KLF12: variants seen among roughly 807,000 people sequenced by gnomAD.
KLF12 encodes Krueppel-like factor 12.
A neutral mutation model predicts 37.8 loss-of-function variants in KLF12; 9 were observed. The ratio of observed to expected loss-of-function variants is 0.24; its 90% CI spans 0.14 to 0.42. The LOEUF is 0.42. Among genes scored for constraint, KLF12 ranks in the 10% least tolerant of loss-of-function variants. KLF12 has a pLI of 1.00. For synonymous variants in KLF12, 208 were observed against 202.1 expected, an observed-to-expected ratio of 1.03 and a Z score of -0.25; for missense variants, 411 against 516.0, an observed-to-expected ratio of 0.80 and a Z score of 1.97.
chr13:74,217,777 A>G, the KLF12 span, among the ~76,000 whole-genome samples: 1 of 152,244 alleles, frequency 6.6e-6, no homozygotes, highest in Admixed American at 6.5e-5. Flanking sequence ...ATGTTGCAAA[A>G]GAAACATGGA....
the KLF12 span, among the ~76,000 whole-genome samples, chr13:74,271,863 A>G: frequency 6.6e-6 from 1 of 152,178 alleles, no homozygotes; most frequent in African/African-American, 2.4e-5. Context: ...CCCCATGGGT[A>G]TGGTGACCAG....
the KLF12 span, among the ~76,000 whole-genome samples, chr13:74,142,981 A>T: frequency 6.6e-6 from 1 of 151,182 alleles, no homozygotes; most frequent in South Asian, 2.1e-4. Context: ...CTTAATAAAG[A>T]CCTTCCTTCC....
the KLF12 span, among the ~76,000 whole-genome samples, chr13:74,178,600 A>G: frequency 6.6e-6 from 1 of 152,218 alleles, no homozygotes; most frequent in South Asian, 2.1e-4. Flanking sequence ...TTAAGTTGAC[A>G]TTAAATTTCA....
intron 3 of KLF12, among the ~76,000 whole-genome samples, chr13:73,920,034 G>A (rs1200488399): frequency 6.6e-6 from 1 of 152,020 alleles, no homozygotes; most frequent in Non-Finnish European, 1.5e-5. Context: ...CTCCGTTCGG[G>A]TGCTCTACTG....
chr13:74,089,002 C>T (rs746379219), intron 1 of KLF12, among the ~76,000 whole-genome samples: 1 of 152,130 alleles, frequency 6.6e-6, no homozygotes, highest in Non-Finnish European at 1.5e-5. Context: ...AAATTAGTAC[C>T]TCTAGACAAT....
chr13:74,261,423 G>T, the KLF12 span, among the ~76,000 whole-genome samples: 1 of 152,038 alleles, frequency 6.6e-6, no homozygotes, highest in Non-Finnish European at 1.5e-5. Flanking sequence ...AAAGTGCTTC[G>T]GTGGAAGCAT....
At chr13:73,835,709 A>AC (rs1354238186) in intron 4 of KLF12, among the ~76,000 whole-genome samples, 1 of 152,058 alleles carries the variant, frequency 6.6e-6, no homozygotes, top group African/African-American at 2.4e-5. Flanking sequence ...ATATATACAC[A>AC]CCCCCTGCCC....
intron 2 of KLF12, among the ~76,000 whole-genome samples, chr13:73,965,270 A>G (rs1891142884): frequency 6.6e-6 from 1 of 152,202 alleles, no homozygotes; most frequent in Admixed American, 6.5e-5. Flanking sequence ...ACATTATCCC[A>G]TGACAATAAT....
At chr13:73,800,442 A>G (rs1459686701) in intron 5 of KLF12, 5 of 152,080 alleles carry the variant, frequency 3.3e-5, no homozygotes, top group Admixed American at 3.3e-4. Flanking sequence ...AAACAGATAC[A>G]TCCATTCATT....
intron 3 of KLF12, among the ~76,000 whole-genome samples, chr13:73,871,399 G>T (rs1270382428): frequency 6.6e-6 from 1 of 152,140 alleles, no homozygotes. Context: ...AGAGTGGTTC[G>T]TGTTTCCTGT....
chr13:73,921,796 G>A (rs1317699002), intron 3 of KLF12, among the ~76,000 whole-genome samples: 1 of 152,088 alleles, frequency 6.6e-6, no homozygotes, highest in Admixed American at 6.5e-5. Flanking sequence ...TTCTAGATAC[G>A]TGTCTTTTGC....
chr13:73,942,914 G>T (rs1177779051), intron 3 of KLF12, among the ~76,000 whole-genome samples: 3 of 152,118 alleles, frequency 2.0e-5, no homozygotes, highest in Admixed American at 2.0e-4. Flanking sequence ...GTGATGCTCA[G>T]GTATGCAGAA....
chr13:73,727,158 T>C (rs183847770), intron 6 of KLF12, among the ~76,000 whole-genome samples: 2 of 152,336 alleles, frequency 1.3e-5, no homozygotes, highest in East Asian at 1.9e-4. Flanking sequence ...TCTTTATATA[T>C]TCTGGATGCA....
At chr13:74,091,745 T>C (rs978249125) in intron 1 of KLF12, among the ~76,000 whole-genome samples, 2 of 152,130 alleles carry the variant, frequency 1.3e-5, no homozygotes, top group Non-Finnish European at 2.9e-5. Flanking sequence ...AGTGGTTATG[T>C]ATCATTGTGA....
chr13:73,996,362 AAC>A (rs1004429001), intron 1 of KLF12, among the ~76,000 whole-genome samples: 6 of 152,242 alleles, frequency 3.9e-5, no homozygotes, highest in Admixed American at 2.0e-4. Context: ...AAAGTCACCT[AAC>A]ACACAGTGTT....
At chr13:73,733,895 T>A (rs546317365) in intron 6 of KLF12, among the ~76,000 whole-genome samples, 1 of 152,272 alleles carries the variant, frequency 6.6e-6, no homozygotes, top group Admixed American at 6.5e-5. Flanking sequence ...CAATAAAACA[T>A]ATGATGTCCT....
chr13:74,091,742 A>G (rs1019692772), intron 1 of KLF12, among the ~76,000 whole-genome samples: 1 of 152,170 alleles, frequency 6.6e-6, no homozygotes, highest in African/African-American at 2.4e-5. Context: ...ATTAGTGGTT[A>G]TGTATCATTG....
At chr13:74,113,355 T>C (rs1877094364) in intron 1 of KLF12, among the ~76,000 whole-genome samples, 3 of 152,342 alleles carry the variant, frequency 2.0e-5, no homozygotes, top group South Asian at 4.1e-4. Context: ...GACTTTCATA[T>C]AGTTAGAGAG....
chr13:73,910,402 A>T (rs1438119749), intron 3 of KLF12, among the ~76,000 whole-genome samples: 3 of 152,160 alleles, frequency 2.0e-5, no homozygotes, highest in African/African-American at 7.2e-5. Context: ...TCAAGTCATA[A>T]ATGTAACACT....
Sources: gnomAD v4.1 joint callset for allele counts (sites outside exome capture counted in the v4.1 genomes callset) on GRCh38, gnomAD v4.1.1 for gene constraint, MANE v1.5 for transcripts, NCBI Gene and HGNC (gene_info 2026-07-23, HGNC 2026-07-21) for gene names.